Variants in SLIT2 observed in about 807,000 individuals in gnomAD.
SLIT2 encodes the protein slit homolog 2 protein.
SLIT2 carries 41 observed loss-of-function variants against 185.7 expected under a neutral mutation model. The ratio of observed to expected loss-of-function variants is 0.22; its 90% CI spans 0.17 to 0.29. SLIT2 has a LOEUF of 0.29. SLIT2 is among the 10% of genes least tolerant of loss of function. SLIT2 has a pLI of 1.00. For synonymous variants in SLIT2, 693 were observed against 680.2 expected (o/e 1.02, Z -0.29); for missense variants, 1,571 against 1,909.0 (o/e 0.82, Z 3.30).
intron 1 of SLIT2, 37 bp from the exon 2 acceptor site, chr4:20,256,635 A>T (rs1378971006): frequency 9.1e-7 from 1 of 1,093,274 alleles, no homozygotes; most frequent in Admixed American, 2.1e-5. Context: ...AAACATAGAA[A>T]TAAAATGGAA....
chr4:20,329,339 G>A (rs955181222), intron 4 of SLIT2, among the ~76,000 whole-genome samples: 1 of 151,924 alleles, frequency 6.6e-6, no homozygotes, highest in Admixed American at 6.6e-5. Context: ...ATAATTAGAT[G>A]AAATAAGATG....
At chr4:20,589,214 A>G (rs544328790) in intron 29 of SLIT2, among the ~76,000 whole-genome samples, 4 of 152,152 alleles carry the variant, frequency 2.6e-5, no homozygotes, top group Non-Finnish European at 5.9e-5. Flanking sequence ...GTGCTGGTAC[A>G]TGGTGTGTTT....
chr4:20,353,479 A>G (rs928088169), intron 4 of SLIT2, among the ~76,000 whole-genome samples: 13 of 152,226 alleles, frequency 8.5e-5, no homozygotes, highest in African/African-American at 2.7e-4. Context: ...TATGAATTAC[A>G]TAAACAGAAA....
chr4:20,599,269 A>G (rs1436444366), intron 33 of SLIT2, among the ~76,000 whole-genome samples: 1 of 151,724 alleles, frequency 6.6e-6, no homozygotes, highest in African/African-American at 2.4e-5. Context: ...CTTATTGCAT[A>G]AGACTAACTA....
At chr4:20,356,218 G>T (rs1338697338) in intron 4 of SLIT2, among the ~76,000 whole-genome samples, 1 of 152,286 alleles carries the variant, frequency 6.6e-6, no homozygotes, top group Non-Finnish European at 1.5e-5. Context: ...AGAATTTGGA[G>T]TCTGGTCACT....
Position 20,617,626 on chromosome 4 carries a change from T to C in SLIT2, c.4324T>C (p.Tyr1442His), listed in dbSNP as rs1489416686. ...GCCCTACTGTGAATGCAGCAGTGGA[T>C]ACACGGGGGACAGCTGTGATCGAGG... ...GQPYCECSSGYTGDSCDREIS... is the reference protein window; with the variant it reads ...GQPYCECSSGHTGDSCDREIS... The change falls in exon 36 of 37, where the codon TAC (tyrosine) becomes CAC (histidine). Residue 1442 changes from tyrosine (Y) to histidine (H), a missense_variant. Tyr to His is a moderately conservative substitution (Grantham distance 83). Around this residue, in one of 3 missense-constraint regions of SLIT2, gnomAD observed 223 missense variants for 245.2 expected, o/e 0.91. Transcript: ENST00000504154. 9.3e-6 allele frequency: 15 copies of C among 1,610,948 alleles called. No individual in the cohort carries two copies. Among genetic ancestry groups the C allele is most frequent in the Non-Finnish European group, 1.2e-5 (14 of 1,179,682 alleles).
At chr4:20,370,351 A>G (rs936968895) in intron 4 of SLIT2, among the ~76,000 whole-genome samples, 32 of 152,104 alleles carry the variant, frequency 2.1e-4, no homozygotes, top group African/African-American at 7.2e-4. Flanking sequence ...CTACTAATTC[A>G]ACTCCTCCCT....
At position 20,358,351 on chromosome 4, in the gene SLIT2, C is replaced by T. The variant is rs187680837; in HGVS notation, c.395+89470C>T. ...TATTTCTGCATGTCGATGCATGTAT[C>T]CACTGTATTTTTAACGCAAACTAAT... On this transcript the variant is annotated intron_variant, in intron 4 of 36. Transcript: ENST00000504154. Among the ~76,000 whole-genome samples, 19 of 152,250 alleles carry T rather than the reference C, an allele frequency of 1.2e-4. No homozygotes were observed. The East Asian group carries it at 3.7e-3, about 29-fold the overall frequency.
At chr4:20,515,399 G>C (rs764724508) in intron 11 of SLIT2, among the ~76,000 whole-genome samples, 3 of 151,972 alleles carry the variant, frequency 2.0e-5, no homozygotes, top group Non-Finnish European at 4.4e-5. Context: ...CTTTTCATTA[G>C]CCCTTTGTAA....
At position 20,475,008 on chromosome 4, in the gene SLIT2, A is replaced by G. The variant is rs375734906; in HGVS notation, c.468-5708A>G. On this transcript the variant is annotated intron_variant, in intron 5 of 36. Transcript: ENST00000504154. ...GCCTAGTTCTACAGTATCTGTAGGA[A>G]TTACAGACTCTTTCCTGAAAGAGCA... Among the ~76,000 whole-genome samples the G allele has an allele frequency of 2.4e-3, 371 of 151,942 alleles. 1 individual carries two copies. Among genetic ancestry groups the G allele is most frequent in the African/African-American group, 8.0e-3 (332 of 41,468 alleles).
chr4:20,554,416 TTGA>T, intron 26 of SLIT2: 1 of 439,392 alleles, frequency 2.3e-6, no homozygotes, highest in South Asian at 1.6e-5. Flanking sequence ...CCTTCCTGTG[TTGA>T]TGTTCTTGTT....
chr4:20,487,633 C>T (rs1450659616), intron 7 of SLIT2, among the ~76,000 whole-genome samples: 2 of 152,020 alleles, frequency 1.3e-5, no homozygotes, highest in East Asian at 1.9e-4. Flanking sequence ...TTCCAAAGGC[C>T]AGAACTTCAA....
chr4:20,422,945 G>A (rs1728275958), intron 4 of SLIT2, among the ~76,000 whole-genome samples: 1 of 152,014 alleles, frequency 6.6e-6, no homozygotes, highest in African/African-American at 2.4e-5. Context: ...TTGTGGTGGG[G>A]GGTGGGAGGA....
chr4:20,595,377 A>G (rs186393234), intron 30 of SLIT2, among the ~76,000 whole-genome samples: 9 of 152,222 alleles, frequency 5.9e-5, no homozygotes, highest in Admixed American at 5.2e-4. Flanking sequence ...AGCAAACAAA[A>G]TGGGGAAAAA....
In SLIT2 at chr4:20,460,154, C is replaced by T. The variant is rs533454281; in HGVS notation, c.396-7598C>T. Among the ~76,000 whole-genome samples, 29 of 152,140 alleles carry T rather than the reference C, an allele frequency of 1.9e-4. No individual in the cohort carries two copies. In the East Asian group the frequency reaches 3.5e-3, roughly 18 times the overall value. ...CTGAGATTACAGGCATGAGCCACTG[C>T]GCCTGGCCATAAATATTTTTTCTTT... is the stretch of plus-strand genomic sequence containing the variant. On this transcript the variant is annotated intron_variant, in intron 4 of 36. Coordinates refer to ENST00000504154, the MANE Select transcript of SLIT2 (RefSeq NM_004787.4).
intron 4 of SLIT2, among the ~76,000 whole-genome samples, chr4:20,318,795 T>G (rs1438566126): frequency 6.6e-6 from 1 of 152,026 alleles, no homozygotes; most frequent in Non-Finnish European, 1.5e-5. Flanking sequence ...TAGCTAAGAG[T>G]GATTTTATTC....
intron 3 of SLIT2, among the ~76,000 whole-genome samples, chr4:20,266,522 G>C (rs560659609): frequency 1.3e-5 from 2 of 152,066 alleles, no homozygotes; most frequent in South Asian, 4.1e-4. Context: ...CTAGGGCCTT[G>C]CTGAAATATA....
intron 4 of SLIT2, among the ~76,000 whole-genome samples, chr4:20,318,909 A>G (rs1718819833): frequency 6.6e-6 from 1 of 152,166 alleles, no homozygotes; most frequent in Non-Finnish European, 1.5e-5. Context: ...GTTAAGTAAT[A>G]TATATGGTGG....
intron 4 of SLIT2, among the ~76,000 whole-genome samples, chr4:20,409,777 A>G (rs1466286920): frequency 6.6e-6 from 1 of 152,120 alleles, no homozygotes; most frequent in Non-Finnish European, 1.5e-5. Context: ...CTGGTGTGAG[A>G]TGATATCTCA....
Sources: allele counts gnomAD v4.1 joint callset (sites outside exome capture counted in the v4.1 genomes callset), GRCh38; gene constraint gnomAD v4.1.1; regional missense constraint gnomAD v4.1.1; transcripts MANE v1.5; gene names NCBI Gene and HGNC (gene_info 2026-07-23, HGNC 2026-07-21).